NPLOC4: variants seen among roughly 807,000 people sequenced by gnomAD.
NPLOC4 encodes NPL4 homolog, ubiquitin recognition factor.
NPLOC4 carries 18 observed loss-of-function variants against 80.6 expected under a neutral mutation model. That is an observed-to-expected ratio of 0.22 (90% CI 0.15 to 0.33). The LOEUF (loss-of-function observed/expected upper bound fraction) is 0.33. Among genes scored for constraint, NPLOC4 ranks in the 10% least tolerant of loss-of-function variants. The probability of loss-of-function intolerance (pLI) is 1.00; values close to 1 mark genes in which losing one functional copy is unlikely to be tolerated. For synonymous variants in NPLOC4, 313 were observed against 301.5 expected (o/e 1.04, Z -0.39); for missense variants, 540 against 786.1 (o/e 0.69, Z 3.74).
At chr17:81,588,439 C>T (rs910931371) in intron 12 of NPLOC4, among the ~76,000 whole-genome samples, 1 of 152,190 alleles carries the variant, frequency 6.6e-6, no homozygotes, top group Admixed American at 6.5e-5. Context: ...TGGCTAACTG[C>T]AGCCTTGACC....
chr17:81,588,351 G>A (rs1398790863), intron 12 of NPLOC4, among the ~76,000 whole-genome samples: 5 of 152,082 alleles, frequency 3.3e-5, no homozygotes, highest in African/African-American at 9.7e-5. Flanking sequence ...CATCTCCCAC[G>A]GTCTTCTCAT....
rs564282987 is a variant in NPLOC4 at position 81,625,314 on chromosome 17, G to A, written c.97-3036C>T. On this transcript the variant is annotated intron_variant, in intron 2 of 16. Coordinates refer to ENST00000331134, the MANE Select transcript of NPLOC4 (RefSeq NM_017921.4). The stretch of plus-strand genomic sequence containing the variant: ...AGGACTTCCATTTGACACTGAGATC[G>A]GAGGTGACAACCAGACACACTGCAG... Among the ~76,000 whole-genome samples the A allele has an allele frequency of 1.4e-4, 21 of 152,276 alleles. No homozygotes were observed. The South Asian group carries it at 3.3e-3, about 24-fold the overall frequency.
At position 81,617,808 on chromosome 17, in the gene NPLOC4, G is replaced by A. The variant is rs561509489; in HGVS notation, c.210-4314C>T. 3.1e-3 allele frequency among the ~76,000 whole-genome samples: 473 copies of A among 152,252 alleles called. 5 individuals carry two copies. Among genetic ancestry groups the A allele is most frequent in the African/African-American group, 0.011 (454 of 41,550 alleles). On this transcript the variant is annotated intron_variant, in intron 3 of 16. Transcript: ENST00000331134. ...CGAGTGCCTGCGATTGCAGGCGCGC[G>A]CCGCCACGCCTGACTGGTTTTCGTA... is the stretch of plus-strand genomic sequence containing the variant.
intron 12 of NPLOC4, among the ~76,000 whole-genome samples, chr17:81,584,093 G>A (rs908910954): frequency 5.3e-5 from 8 of 152,170 alleles, no homozygotes; most frequent in African/African-American, 1.7e-4. Flanking sequence ...ATGATAAACA[G>A]CAGCCTCAGA....
At position 81,594,274 on chromosome 17, in the gene NPLOC4, C is replaced by CAAAAAAAAA. The variant is rs869281063; in HGVS notation, c.1120+1833_1120+1841dup. Among the ~76,000 whole-genome samples, 55 of 53,660 alleles carry CAAAAAAAAA rather than the reference C, an allele frequency of 1.0e-3. 1 individual carries two copies. The highest frequency in any genetic ancestry group is 1.7e-3 in the African/African-American group (17 of 10,060). 35.2% of individuals were successfully genotyped at this position (53,660 alleles called of 152,430 possible). ...TGGGCGAAAGAGCGAGACTCCGTCT[C>CAAAAAAAAA]AAAAAAAAAAAAAAAAAAAAAAAAA... On this transcript the variant is annotated intron_variant, in intron 11 of 16. Transcript: ENST00000331134.
chr17:81,569,922 T>C (rs751047766), intron 13 of NPLOC4, among the ~76,000 whole-genome samples: 1 of 152,168 alleles, frequency 6.6e-6, no homozygotes, highest in African/African-American at 2.4e-5. Context: ...CAGCACCGAG[T>C]TGAGTTGATG....
rs868699427 is a variant in NPLOC4 at position 81,596,785 on chromosome 17, G to A, written c.993+460C>T. 5.3e-5 allele frequency among the ~76,000 whole-genome samples: 8 copies of A among 152,172 alleles called. 1 individual carries two copies. In the South Asian group the frequency reaches 8.3e-4, roughly 16 times the overall value. ...TTAGCTCTATGAGACCAAGAGATCC[G>A]GCCTTCATTGATCAAGAAGAACTTC... On this transcript the variant is annotated intron_variant, in intron 10 of 16. Coordinates refer to ENST00000331134, the MANE Select transcript of NPLOC4 (RefSeq NM_017921.4).
rs554717274 is a variant in NPLOC4, at chr17:81,580,523, C to A, written c.1281+8421G>T. On this transcript the variant is annotated intron_variant, in intron 12 of 16. Transcript: ENST00000331134. The surrounding 1 kb of genome is among the most constrained non-coding windows in gnomAD (Gnocchi z 4.4). ...TTCCAAGGGCCCCTCCCACCTCTAC[C>A]CCAGCAGGCCACCCTGCTTATCACT... 6.6e-6 allele frequency among the ~76,000 whole-genome samples: 1 copy of A among 152,282 alleles called. No homozygotes were observed. Among genetic ancestry groups the A allele is most frequent in the Non-Finnish European group, 1.5e-5 (1 of 68,024 alleles).
intron 1 of NPLOC4, among the ~76,000 whole-genome samples, chr17:81,631,436 ATTTTTTTTTTTT>A (rs70938164): frequency 0.01 from 1,211 of 117,042 alleles, 62 homozygotes; most frequent in African/African-American, 0.033. Context: ...ATATATATAT[ATTTTTTTTTTTT>A]TTTTTTTTTT....
chr17:81,565,485 C>T lies in NPLOC4; in HGVS notation c.1669+20G>A. Reference sequence around the variant, plus strand: ...CGGCCCCAGCCACGGGGTGCCGGGGCAGGGGGTGGGGGTACTCACTGCACA... The same window carrying T: ...CGGCCCCAGCCACGGGGTGCCGGGGTAGGGGGTGGGGGTACTCACTGCACA... On this transcript the variant is annotated intron_variant, in intron 16 of 16. Coordinates refer to ENST00000331134, the MANE Select transcript of NPLOC4 (RefSeq NM_017921.4). The T allele has an allele frequency of 6.5e-7, 1 of 1,535,740 alleles. No individual in the cohort carries two copies. The highest frequency in any genetic ancestry group is 2.4e-5 in the East Asian group (1 of 40,876).
chr17:81,590,075 T>C (rs938528499), intron 11 of NPLOC4, among the ~76,000 whole-genome samples: 15 of 152,074 alleles, frequency 9.9e-5, no homozygotes, highest in African/African-American at 2.7e-4. Context: ...TTAATACAAA[T>C]CCAGTCATGG....
intron 8 of NPLOC4, 33 bp downstream of exon 8, chr17:81,604,515 G>A (rs748509596): frequency 6.3e-7 from 1 of 1,599,914 alleles, no homozygotes; most frequent in Non-Finnish European, 8.5e-7. Context: ...TCCAAACACA[G>A]AAACTCAGGA....
chr17:81,635,920 C>T (rs938308237), intron 1 of NPLOC4, among the ~76,000 whole-genome samples: 1 of 88,888 alleles, frequency 1.1e-5, no homozygotes, highest in African/African-American at 7.2e-5. Context: ...TAACGAGGGA[C>T]TGGTTTTCTG....
intron 5 of NPLOC4, chr17:81,609,031 G>C: frequency 2.2e-6 from 1 of 464,902 alleles, no homozygotes; most frequent in South Asian, 3.1e-5. Flanking sequence ...TGTTTGTTTT[G>C]AGACGGAGTC....
At chr17:81,564,043 T>C (rs1172801304) in intron 16 of NPLOC4, 6 of 404,656 alleles carry the variant, frequency 1.5e-5, no homozygotes, top group Non-Finnish European at 3.0e-5. Flanking sequence ...ATTGCGCCAC[T>C]GCACTCCAGC....
chr17:81,604,476 G>A, intron 8 of NPLOC4, 72 bp downstream of exon 8: 2 of 1,394,138 alleles, frequency 1.4e-6, no homozygotes, highest in Non-Finnish European at 2.0e-6. Flanking sequence ...ACAGGGCAAG[G>A]CCTCTCCGAA....
At chr17:81,573,965 G>A (rs991941373) in intron 12 of NPLOC4, among the ~76,000 whole-genome samples, 3 of 152,222 alleles carry the variant, frequency 2.0e-5, no homozygotes, top group African/African-American at 7.2e-5. Context: ...ATGGGCTTCC[G>A]CATTCTGCGC....
At chr17:81,625,547 ACGGGCTTATCAGCAG>A (rs2035773238) in intron 2 of NPLOC4, among the ~76,000 whole-genome samples, 3 of 152,206 alleles carry the variant, frequency 2.0e-5, no homozygotes, top group African/African-American at 7.2e-5. Flanking sequence ...AATTCACTGA[ACGGGCTTATCAGCAG>A]AAGGGAGAGA....
At position 81,598,710 on chromosome 17, in the gene NPLOC4, T is replaced by A. The variant is rs543780170; in HGVS notation, c.922-1394A>T. On this transcript the variant is annotated intron_variant, in intron 9 of 16. Coordinates refer to ENST00000331134, the MANE Select transcript of NPLOC4 (RefSeq NM_017921.4). ...TGTGAATTCCTGCACCAGAAGCCCG[T>A]CACGAGGCCACAGGAGCAGCAGTTG... Among the ~76,000 whole-genome samples, 3 of 152,226 alleles carry A rather than the reference T, an allele frequency of 2.0e-5. No homozygotes were observed. The South Asian group carries it at 6.2e-4, about 32-fold the overall frequency.
Sources: allele counts gnomAD v4.1 joint callset (sites outside exome capture counted in the v4.1 genomes callset), GRCh38; gene constraint gnomAD v4.1.1; non-coding constraint Gnocchi (gnomAD v3.1); transcripts MANE v1.5; gene names NCBI Gene and HGNC (gene_info 2026-07-23, HGNC 2026-07-21).